Variants in SASH1 observed in about 807,000 individuals in gnomAD.
SASH1 encodes the protein SAM and SH3 domain containing 1.
A neutral mutation model predicts 125.2 loss-of-function variants in SASH1; 44 were observed. The ratio of observed to expected loss-of-function variants is 0.35; its 90% confidence interval spans 0.28 to 0.45. The LOEUF (loss-of-function observed/expected upper bound fraction) is 0.45. Among genes scored for constraint, SASH1 ranks in the 20% least tolerant of loss-of-function variants. The pLI is 1.00. For synonymous variants in SASH1, 639 were observed against 649.1 expected (o/e 0.98, Z 0.24); for missense variants, 1,426 against 1,614.5 (o/e 0.88, Z 2.00).
the SASH1 span, among the ~76,000 whole-genome samples, chr6:148,232,768 A>G: frequency 2.0e-5 from 3 of 152,200 alleles, no homozygotes; most frequent in Non-Finnish European, 2.9e-5. Context: ...AAAACTTGCA[A>G]TGTGTACCTC....
intron 8 of SASH1, among the ~76,000 whole-genome samples, chr6:148,510,806 G>A (rs1780071525): frequency 6.6e-6 from 1 of 151,892 alleles, no homozygotes; most frequent in Admixed American, 6.6e-5. Context: ...AGACCAGCCT[G>A]GCCAACATGG....
chr6:148,542,689 G>T (rs1782292922), intron 17 of SASH1, among the ~76,000 whole-genome samples: 1 of 152,214 alleles, frequency 6.6e-6, no homozygotes, highest in Non-Finnish European at 1.5e-5. Flanking sequence ...TAGGACCATG[G>T]TCAATATCTT....
chr6:148,338,190 AGGTGGGC>A (rs1425447506), upstream of SASH1, among the ~76,000 whole-genome samples: 3 of 152,218 alleles, frequency 2.0e-5, no homozygotes, highest in South Asian at 6.2e-4. Flanking sequence ...TGGGAGGCCA[AGGTGGGC>A]GGATCACTCG....
rs1421910185 is a variant in SASH1 at position 148,421,142 on chromosome 6, GAAGGAAGAAAGAAAGAAAGA to G, written c.286-19038_286-19019del. Among the ~76,000 whole-genome samples the G allele has an allele frequency of 8.9e-4, 45 of 50,424 alleles. 1 individual carries two copies. Among genetic ancestry groups the G allele is most frequent in the East Asian group, 8.3e-3 (12 of 1,446 alleles). 33.1% of individuals were successfully genotyped at this position (50,424 alleles called of 152,430 possible). A position where few individuals can be genotyped will look rare whatever the true frequency, so the allele number is the denominator to read the frequency against. ...GAAAGGAAGAAAGGAAGGAAGGAAG[GAAGGAAGAAAGAAAGAAAGA>G]AAGAAAGAAAGAAAGAAAGAAAGAA... is the stretch of plus-strand genomic sequence containing the variant. On this transcript the variant is annotated intron_variant, in intron 2 of 19. Coordinates refer to ENST00000367467, the MANE Select transcript of SASH1 (RefSeq NM_015278.5).
intron 1 of SASH1, among the ~76,000 whole-genome samples, chr6:148,329,137 G>A (rs1780918290): frequency 6.6e-6 from 1 of 152,128 alleles, no homozygotes; most frequent in Admixed American, 6.6e-5. Flanking sequence ...AGGCTTCTTT[G>A]TTAAGTGTCT....
chr6:148,271,086 T>G (rs971876675), upstream of SASH1, among the ~76,000 whole-genome samples: 1 of 152,060 alleles, frequency 6.6e-6, no homozygotes, highest in Admixed American at 6.6e-5. Context: ...ATTTTTGTAC[T>G]TTTATTAGAG....
At chr6:148,422,542 G>A (rs73011354) in intron 2 of SASH1, among the ~76,000 whole-genome samples, 28,355 of 152,162 alleles carry the variant, frequency 0.19, 2,982 homozygotes, top group East Asian at 0.28. Context: ...ATAATTTTGA[G>A]CAATGAAGTA....
the SASH1 span, among the ~76,000 whole-genome samples, chr6:148,212,569 C>T: frequency 1.3e-5 from 2 of 152,150 alleles, no homozygotes; most frequent in Non-Finnish European, 2.9e-5. Flanking sequence ...ACTATTCTTA[C>T]CATTTTGCTA....
upstream of SASH1, among the ~76,000 whole-genome samples, chr6:148,341,769 CTT>C (rs59315985): frequency 6.7e-6 from 1 of 150,300 alleles, no homozygotes; most frequent in Non-Finnish European, 1.5e-5. Flanking sequence ...GGGCATCTCA[CTT>C]TTTTTTTTCC....
chr6:148,378,548 T>C (rs1464150116), intron 1 of SASH1, among the ~76,000 whole-genome samples: 2 of 152,156 alleles, frequency 1.3e-5, no homozygotes, highest in African/African-American at 4.8e-5. Context: ...TTGGTAGAAC[T>C]GGGGTTTGAC....
chr6:148,422,202 A>G (rs746453522), intron 2 of SASH1, among the ~76,000 whole-genome samples: 12 of 152,322 alleles, frequency 7.9e-5, no homozygotes, highest in Non-Finnish European at 1.5e-5. Flanking sequence ...GGCTGCTTTT[A>G]TAGTGCCAAT....
chr6:148,223,198 T>C, the SASH1 span, among the ~76,000 whole-genome samples: 1 of 152,304 alleles, frequency 6.6e-6, no homozygotes, highest in East Asian at 1.9e-4. Context: ...TGAATGCCAG[T>C]CCTGCCTCTA....
At chr6:148,440,586 TGCAGTTG>T (rs1776503177) in intron 4 of SASH1, 179 bp downstream of exon 4, 1 of 600,070 alleles carries the variant, frequency 1.7e-6, no homozygotes, top group Admixed American at 3.1e-5. Flanking sequence ...TGTTTTGTAA[TGCAGTTG>T]GTGATGTCTG....
chr6:148,526,224 C>T (rs1040904202), intron 11 of SASH1, among the ~76,000 whole-genome samples: 1 of 151,868 alleles, frequency 6.6e-6, no homozygotes. Context: ...CCACCATGCC[C>T]AGAGAATTTG....
chr6:148,490,578 C>T (rs913928864), intron 8 of SASH1, among the ~76,000 whole-genome samples: 21 of 152,102 alleles, frequency 1.4e-4, no homozygotes, highest in African/African-American at 4.8e-4. Flanking sequence ...CCTCTTTTCA[C>T]GTATTATATA....
At chr6:148,319,420 T>G (rs1019940020) in intron 1 of SASH1, among the ~76,000 whole-genome samples, 10 of 152,190 alleles carry the variant, frequency 6.6e-5, no homozygotes, top group African/African-American at 2.4e-4. Flanking sequence ...TATTCATGGT[T>G]TCTTTTTCCT....
intron 1 of SASH1, among the ~76,000 whole-genome samples, chr6:148,336,176 CTTTTT>C (rs61290611): frequency 2.8e-5 from 2 of 70,760 alleles, no homozygotes; most frequent in African/African-American, 1.1e-4. Flanking sequence ...AAACTGCATC[CTTTTT>C]TTTTTTTTTT....
intron 8 of SASH1, among the ~76,000 whole-genome samples, chr6:148,507,715 AG>A (rs1779882628): frequency 6.6e-6 from 1 of 152,160 alleles, no homozygotes; most frequent in African/African-American, 2.4e-5. Context: ...TGCCATTTTA[AG>A]GAGGGACAGT....
the SASH1 span, among the ~76,000 whole-genome samples, chr6:148,218,111 G>C: frequency 6.6e-6 from 1 of 152,150 alleles, no homozygotes. Context: ...TTGCAAACCA[G>C]ATTCATGGCT....
Sources: gnomAD v4.1 joint callset for allele counts (sites outside exome capture counted in the v4.1 genomes callset) on GRCh38, gnomAD v4.1.1 for gene constraint, MANE v1.5 for transcripts, NCBI Gene and HGNC (gene_info 2026-07-23, HGNC 2026-07-21) for gene names.